The following SLC6A11 variants were observed in gnomAD, a reference collection of about 807,000 sequenced individuals.
SLC6A11 encodes the protein sodium- and chloride-dependent GABA transporter 3.
Under a neutral mutation model 74.8 loss-of-function variants are expected in SLC6A11, and 25 were observed. The ratio of observed to expected loss-of-function variants is 0.33; its 90% CI spans 0.24 to 0.47. The LOEUF (loss-of-function observed/expected upper bound fraction) is 0.47, where lower values mean the gene tolerates loss of function less well. Ranked by LOEUF, SLC6A11 falls within the 20% of genes least tolerant of loss-of-function variation. SLC6A11 has a pLI of 1.00. For synonymous variants in SLC6A11, 330 were observed against 330.2 expected (o/e 1.00, Z 0.01); for missense variants, 574 against 837.0 (o/e 0.69, Z 3.88).
intron 4 of SLC6A11, among the ~76,000 whole-genome samples, chr3:10,830,950 G>A (rs560407161): frequency 7.2e-5 from 11 of 152,272 alleles, no homozygotes; most frequent in South Asian, 2.1e-4. Context: ...TCCTTCCTCC[G>A]GAGGTGGAAG....
At chr3:10,936,313 C>T (rs1262732386) in intron 13 of SLC6A11, among the ~76,000 whole-genome samples, 1 of 152,232 alleles carries the variant, frequency 6.6e-6, no homozygotes, top group Admixed American at 6.5e-5. Flanking sequence ...ACAGCAGAGA[C>T]TCCGGCTTGT....
intron 5 of SLC6A11, among the ~76,000 whole-genome samples, chr3:10,857,553 C>T (rs1023910482): frequency 2.6e-5 from 4 of 152,054 alleles, no homozygotes; most frequent in Non-Finnish European, 4.4e-5. Context: ...CTGGAGCAGA[C>T]GATAATTCAC....
At position 10,926,296 on chromosome 3, in the gene SLC6A11, G is replaced by A. The variant is rs1379211750; in HGVS notation, c.1233+180G>A. Among the ~76,000 whole-genome samples the A allele has an allele frequency of 7.1e-6, 1 of 141,638 alleles. No homozygotes were observed. Among genetic ancestry groups the A allele is most frequent in the Non-Finnish European group, 1.5e-5 (1 of 65,198 alleles). The allele number at this position is 141,638 out of a possible 152,430, so 92.9% of individuals were successfully genotyped here. ...CCCTCCCAGCAACTCTTGCACCCCC[G>A]CCATCCACCAGGTGGGCTCTACACT... On this transcript the variant is annotated intron_variant, in intron 9 of 13. Transcript: ENST00000254488. This position sits in a 1 kb window ranked among gnomAD's most constrained non-coding sequence, Gnocchi z 5.7.
At chr3:10,837,363 T>G (rs1694380345) in intron 4 of SLC6A11, among the ~76,000 whole-genome samples, 1 of 152,082 alleles carries the variant, frequency 6.6e-6, no homozygotes, top group Admixed American at 6.5e-5. Context: ...GGTCCCTGAT[T>G]GCACTCCCTG....
chr3:10,923,242 TC>T (rs1301490020), intron 8 of SLC6A11, among the ~76,000 whole-genome samples: 2 of 135,396 alleles, frequency 1.5e-5, no homozygotes, highest in Non-Finnish European at 3.3e-5. Flanking sequence ...TAAACACTAT[TC>T]TTCAATTAAA....
intron 4 of SLC6A11, chr3:10,824,274 A>G (rs989849635): frequency 1.3e-5 from 2 of 152,176 alleles, no homozygotes; most frequent in African/African-American, 2.4e-5. Context: ...AGTTTCCTGT[A>G]TGGGTCAAAG....
At position 10,934,117 on chromosome 3, in the gene SLC6A11, C is replaced by T. The variant is rs147153908; in HGVS notation, c.1526C>T (p.Pro509Leu). Residue 509 changes from proline (P) to leucine (L), a missense_variant, in exon 12 of 14, where the codon CCG becomes CTG. Around this residue, in one of 4 missense-constraint regions of SLC6A11, gnomAD observed 257 missense variants for 341.5 expected, o/e 0.75. Transcript: ENST00000254488. Reference sequence around the variant, plus strand: ...GAAGACATGATTGGCTACCGGCCACCGTCGCTCATTAAGTGGTGCTGGATG... The same window carrying T: ...GAAGACATGATTGGCTACCGGCCACTGTCGCTCATTAAGTGGTGCTGGATG... The part of the protein sequence containing the change: ...NIEDMIGYRP[P>L]SLIKWCWMIM... 7.4e-6 allele frequency: 12 copies of T among 1,613,980 alleles called. No individual in the cohort carries two copies. The highest frequency in any genetic ancestry group is 1.6e-4 in the Middle Eastern group (1 of 6,062).
chr3:10,907,280 T>C (rs1189015980), intron 6 of SLC6A11, among the ~76,000 whole-genome samples: 2 of 151,574 alleles, frequency 1.3e-5, no homozygotes, highest in Non-Finnish European at 2.9e-5. Context: ...TAACAGTGAA[T>C]ACAGACCATG....
intron 5 of SLC6A11, among the ~76,000 whole-genome samples, chr3:10,854,680 T>C (rs1252593134): frequency 6.6e-6 from 1 of 152,218 alleles, no homozygotes; most frequent in Non-Finnish European, 1.5e-5. Flanking sequence ...CAGTAAGTAA[T>C]AGAGCCAAGA....
chr3:10,816,792 G>A lies in SLC6A11; in HGVS notation c.256+271G>A, dbSNP rs1380821183. Among the ~76,000 whole-genome samples, 1 of 152,246 alleles carries A rather than the reference G, an allele frequency of 6.6e-6. No homozygotes were observed. The highest frequency in any genetic ancestry group is 1.5e-5 in the Non-Finnish European group (1 of 68,046). On this transcript the variant is annotated intron_variant, in intron 1 of 13. Transcript: ENST00000254488. The surrounding 1 kb of genome is among the most constrained non-coding windows in gnomAD (Gnocchi z 4.2). ...GTCCCCAGCATGAGATGCAGACCGAGGCCAGGGAGCCCTTGCTTTGGGTAG... is the reference window on the plus strand; with the variant it reads ...GTCCCCAGCATGAGATGCAGACCGAAGCCAGGGAGCCCTTGCTTTGGGTAG...
chr3:10,921,085 A>T (rs758744577), intron 8 of SLC6A11, among the ~76,000 whole-genome samples: 1 of 152,206 alleles, frequency 6.6e-6, no homozygotes, highest in Non-Finnish European at 1.5e-5. Flanking sequence ...GACAGAATGT[A>T]CTATTTGCAG....
At chr3:10,922,481 G>A (rs2106631600) in intron 8 of SLC6A11, among the ~76,000 whole-genome samples, 1 of 152,196 alleles carries the variant, frequency 6.6e-6, no homozygotes, top group African/African-American at 2.4e-5. Context: ...GAAAAAAGAA[G>A]GGGAGAAGAG....
chr3:10,887,070 TGGATGGATGGATGGGCAGACAGAC>T (rs1339764393), intron 6 of SLC6A11, among the ~76,000 whole-genome samples: 1 of 151,670 alleles, frequency 6.6e-6, no homozygotes, highest in South Asian at 2.1e-4. Flanking sequence ...TATGGACAGA[TGGATGGATGGATGGGCAGACAGAC>T]GGATGGATGG....
chr3:10,924,258 C>A (rs1274641354), intron 8 of SLC6A11, among the ~76,000 whole-genome samples: 1 of 152,090 alleles, frequency 6.6e-6, no homozygotes, highest in South Asian at 2.1e-4. Flanking sequence ...AAATCAGAAA[C>A]AAAGCAAGGA....
At chr3:10,875,432 A>G (rs1387399676) in intron 6 of SLC6A11, among the ~76,000 whole-genome samples, 1 of 152,256 alleles carries the variant, frequency 6.6e-6, no homozygotes. Context: ...CAAGATAGCT[A>G]CACCATGATA....
At chr3:10,860,255 C>G (rs550623671) in intron 5 of SLC6A11, among the ~76,000 whole-genome samples, 1 of 152,354 alleles carries the variant, frequency 6.6e-6, no homozygotes, top group African/African-American at 2.4e-5. Flanking sequence ...AAACCCTTAG[C>G]TCAGCTATAG....
chr3:10,857,190 T>C (rs1313241413), intron 5 of SLC6A11, among the ~76,000 whole-genome samples: 1 of 151,882 alleles, frequency 6.6e-6, no homozygotes, highest in Non-Finnish European at 1.5e-5. Flanking sequence ...CCCGGGGTGG[T>C]CTGGAAAGGC....
chr3:10,910,229 G>A (rs73812331), intron 6 of SLC6A11, among the ~76,000 whole-genome samples: 1,917 of 152,242 alleles, frequency 0.013, 39 homozygotes, highest in African/African-American at 0.044. Context: ...ATTTTAATAG[G>A]CAATTTGTTG....
chr3:10,848,302 C>G (rs192314173), intron 5 of SLC6A11, among the ~76,000 whole-genome samples: 4 of 152,286 alleles, frequency 2.6e-5, no homozygotes, highest in Admixed American at 2.0e-4. Context: ...TAAGTTGATC[C>G]CAAATGGGGC....
Sources: gnomAD v4.1 joint callset for allele counts (sites outside exome capture counted in the v4.1 genomes callset) on GRCh38, gnomAD v4.1.1 for gene constraint, gnomAD v4.1.1 regional missense constraint, Gnocchi (gnomAD v3.1) non-coding constraint, MANE v1.5 for transcripts, NCBI Gene and HGNC (gene_info 2026-07-23, HGNC 2026-07-21) for gene names.